The following CDADC1 variants were observed in gnomAD, a reference collection of about 807,000 sequenced individuals.
CDADC1 encodes the protein dCTP deaminase.
CDADC1 carries 39 observed loss-of-function variants against 54.9 expected under a neutral mutation model. The observed-to-expected ratio is 0.71, with a 90% CI of 0.55 to 0.93. The LOEUF is 0.93. Among genes scored for constraint, CDADC1 ranks in the 40% least tolerant of loss-of-function variants. The pLI, the probability that CDADC1 is intolerant of heterozygous loss-of-function variation, is 0.00. For synonymous variants in CDADC1, 186 were observed against 204.0 expected, an observed-to-expected ratio of 0.91 and a Z score of 0.75; for missense variants, 518 against 618.8, an observed-to-expected ratio of 0.84 and a Z score of 1.73.
chr13:49,263,508 T>G (rs968450018), intron 4 of CDADC1, among the ~76,000 whole-genome samples: 1 of 152,252 alleles, frequency 6.6e-6, no homozygotes, highest in African/African-American at 2.4e-5. Flanking sequence ...AAAAGTTTGT[T>G]GATATGGTTT....
At chr13:49,289,805 G>A (rs1720554843) in intron 9 of CDADC1, among the ~76,000 whole-genome samples, 1 of 152,204 alleles carries the variant, frequency 6.6e-6, no homozygotes, top group Non-Finnish European at 1.5e-5. Flanking sequence ...AGCATATTGG[G>A]AGACTGAAGC....
chr13:49,262,539 A>AT lies in CDADC1; in HGVS notation c.430+3025dup, dbSNP rs879802456. The stretch of plus-strand genomic sequence containing the variant: ...GTTTCCGTATCTTTATTTTTATTTT[A>AT]TTTTTTTTTGAGACAGAGTCTCGCT... On this transcript the variant is annotated intron_variant, in intron 4 of 9. Coordinates refer to ENST00000251108, the MANE Select transcript of CDADC1 (RefSeq NM_030911.4). Among the ~76,000 whole-genome samples, 357 of 150,882 alleles carry AT rather than the reference A, an allele frequency of 2.4e-3. 2 individuals carry two copies. The highest frequency in any genetic ancestry group is 7.8e-3 in the African/African-American group (322 of 41,068).
In CDADC1 at chr13:49,280,516, G is replaced by T; in HGVS notation, c.1228G>T (p.Glu410Ter). The T allele has an allele frequency of 7.1e-7, 1 of 1,406,414 alleles. No individual in the cohort carries two copies. The highest frequency in any genetic ancestry group is 9.4e-7 in the Non-Finnish European group (1 of 1,068,242). The allele number at this position is 1,406,414 out of a possible 1,614,324, so 87.1% of individuals were successfully genotyped here. A position where few individuals can be genotyped will look rare whatever the true frequency, so the allele number is the denominator to read the frequency against. Reference protein sequence around the residue: ...EQNALTFRCQEIKPEERSMIF... With the variant: ...EQNALTFRCQ ...TTATAATTTTTTTTGTAGGTGTCAA[G>T]AAATAAAACCAGAAGAAAGAAGCAT... The change falls in exon 8 of 10, where the codon GAA becomes TAA. Residue 410 changes from glutamate (E) to a stop codon, truncating the protein, a stop_gained. Transcript: ENST00000251108. LOFTEE classifies it high-confidence loss of function.
Position 49,291,740 on chromosome 13 carries a change from C to A in CDADC1, c.1528C>A (p.Arg510Ser), listed in dbSNP as rs376714185. 1.2e-6 allele frequency: 2 copies of A among 1,613,970 alleles called. No homozygotes were observed. The highest frequency in any genetic ancestry group is 1.1e-5 in the South Asian group (1 of 91,066). The change falls in exon 10 of 10, where the codon CGC becomes AGC. Residue 510 changes from arginine to serine, a missense_variant. Transcript: ENST00000251108. The part of the protein sequence containing the change: ...KEEQHQDKKL[R>S]LGIH ...AGAGCAGCACCAGGACAAGAAGCTG[C>A]GCCTCGGAATCCACTAAGAAGGCCT...
intron 4 of CDADC1, among the ~76,000 whole-genome samples, chr13:49,263,357 A>G (rs778786296): frequency 3.9e-5 from 6 of 152,214 alleles, no homozygotes; most frequent in Non-Finnish European, 7.3e-5. Flanking sequence ...GGTGATATTA[A>G]TGAACGGGAT....
At chr13:49,256,654 G>C (rs1038801520) in intron 3 of CDADC1, among the ~76,000 whole-genome samples, 2 of 152,222 alleles carry the variant, frequency 1.3e-5, no homozygotes, top group East Asian at 1.9e-4. Context: ...ATATTGTATA[G>C]TATTTCCTTG....
At chr13:49,291,231 G>A (rs1390139262) in intron 9 of CDADC1, among the ~76,000 whole-genome samples, 1 of 149,008 alleles carries the variant, frequency 6.7e-6, no homozygotes, top group Non-Finnish European at 1.5e-5. Context: ...CAGTGGCACA[G>A]TCATGGCTCA....
chr13:49,259,349 A>G lies in CDADC1; in HGVS notation c.256A>G (p.Lys86Glu). 1.2e-6 allele frequency: 2 copies of G among 1,601,994 alleles called. No homozygotes were observed. Among genetic ancestry groups the G allele is most frequent in the African/African-American group, 1.3e-5 (1 of 74,628 alleles). The change falls in exon 4 of 10, where the codon AAG becomes GAG. Residue 86 changes from lysine to glutamate, a missense_variant. Coordinates refer to ENST00000251108, the MANE Select transcript of CDADC1 (RefSeq NM_030911.4). ...GTTATTTTATATCTTAATGTAGGTAAAGAGAACTGGTCTTGTGGTGGTGAA... is the reference window on the plus strand; with the variant it reads ...GTTATTTTATATCTTAATGTAGGTAGAGAGAACTGGTCTTGTGGTGGTGAA... ...TRVSTDKRQV[K>E]RTGLVVVKNM...
intron 4 of CDADC1, chr13:49,265,990 C>T: frequency 7.7e-7 from 1 of 1,292,162 alleles, no homozygotes; most frequent in South Asian, 1.2e-5. Context: ...CCGGAGGAAA[C>T]ACTCTGATAT....
intron 2 of CDADC1, among the ~76,000 whole-genome samples, chr13:49,251,440 T>G (rs2138190865): frequency 6.6e-6 from 1 of 151,924 alleles, no homozygotes; most frequent in Admixed American, 6.5e-5. Context: ...ACTGGACATA[T>G]TAGAGATTGA....
At chr13:49,273,058 G>C (rs941094160) in intron 5 of CDADC1, among the ~76,000 whole-genome samples, 1 of 152,156 alleles carries the variant, frequency 6.6e-6, no homozygotes, top group African/African-American at 2.4e-5. Flanking sequence ...TTATACAAAT[G>C]CTTTGTGGTA....
rs751022779 is a variant in CDADC1, at chr13:49,267,612, C to G, written c.553C>G (p.Arg185Gly). Residue 185 changes from arginine to glycine, a missense_variant, in exon 5 of 10, where the codon CGG (arginine) becomes GGG (glycine). Physicochemically the swap from Arg to Gly is moderately radical, Grantham distance 125. Transcript: ENST00000251108. ...AGTGGAAAGATTGAAGTCAAACAGT[C>G]GGGCCCATGTGTGTGTCTTACTTCA... The part of the protein sequence containing the change: ...KAVERLKSNS[R>G]AHVCVLLQPL... 4 of 1,614,070 alleles carry G rather than the reference C, an allele frequency of 2.5e-6. No homozygotes were observed. The highest frequency in any genetic ancestry group is 1.7e-5 in the Admixed American group (1 of 60,000).
intron 6 of CDADC1, among the ~76,000 whole-genome samples, chr13:49,274,865 T>G (rs1008811051): frequency 6.6e-6 from 1 of 152,106 alleles, no homozygotes; most frequent in Non-Finnish European, 1.5e-5. Flanking sequence ...CATAGTTTAG[T>G]GATGGAGATG....
chr13:49,258,263 G>A (rs1952596739), intron 3 of CDADC1, among the ~76,000 whole-genome samples: 1 of 152,184 alleles, frequency 6.6e-6, no homozygotes, highest in Non-Finnish European at 1.5e-5. Context: ...GATAAGTATA[G>A]GGTTAAATCC....
chr13:49,292,178 A>G lies in CDADC1; in HGVS notation c.*421A>G, dbSNP rs1270784945. On this transcript the variant is annotated 3_prime_UTR_variant, in exon 10 of 10. Coordinates refer to ENST00000251108, the MANE Select transcript of CDADC1 (RefSeq NM_030911.4). ...ACAGTTAGTAAACTGCTCCAGGGAAATAAGTGTCATCTTTTAAGAGTCAGT... is the reference window on the plus strand; with the variant it reads ...ACAGTTAGTAAACTGCTCCAGGGAAGTAAGTGTCATCTTTTAAGAGTCAGT... 1 of 1,001,704 alleles carries G rather than the reference A, an allele frequency of 1.0e-6. No individual in the cohort carries two copies. The highest frequency in any genetic ancestry group is 1.7e-5 in the African/African-American group (1 of 57,470). The allele number at this position is 1,001,704 out of a possible 1,614,324, so 62.1% of individuals were successfully genotyped here.
chr13:49,265,627 A>G (rs974176581), intron 4 of CDADC1, among the ~76,000 whole-genome samples: 1 of 152,090 alleles, frequency 6.6e-6, no homozygotes, highest in African/African-American at 2.4e-5. Context: ...AGCTAATGTT[A>G]TTTATATTAA....
chr13:49,265,647 GATT>G lies in CDADC1; in HGVS notation c.431-1839_431-1837del, dbSNP rs529402595. On this transcript the variant is annotated intron_variant, in intron 4 of 9. Coordinates refer to ENST00000251108, the MANE Select transcript of CDADC1 (RefSeq NM_030911.4). Reference sequence around the variant, plus strand: ...ATGTTATTTATATTAATGTATAACAGATTATTGTTATTTTTAATGAATTAATAA... The same window carrying G: ...ATGTTATTTATATTAATGTATAACAGATTGTTATTTTTAATGAATTAATAA... 6.6e-5 allele frequency among the ~76,000 whole-genome samples: 10 copies of G among 151,916 alleles called. No homozygotes were observed. The South Asian group carries it at 1.9e-3, about 28-fold the overall frequency.
chr13:49,292,655 C>G lies in CDADC1; in HGVS notation c.*898C>G. 1 of 1,200,936 alleles carries G rather than the reference C, an allele frequency of 8.3e-7. No individual in the cohort carries two copies. The highest frequency in any genetic ancestry group is 1.6e-5 in the African/African-American group (1 of 62,896). 74.4% of individuals were successfully genotyped at this position (1,200,936 alleles called of 1,614,324 possible). A position where few individuals can be genotyped will look rare whatever the true frequency, so the allele number is the denominator to read the frequency against. Reference sequence around the variant, plus strand: ...AACCTCAAGAATAAATACTGAAAGTCTTGAAAGTATGGTCATTTCAGCTAT... The same window carrying G: ...AACCTCAAGAATAAATACTGAAAGTGTTGAAAGTATGGTCATTTCAGCTAT... On this transcript the variant is annotated 3_prime_UTR_variant, in exon 10 of 10. Coordinates refer to ENST00000251108, the MANE Select transcript of CDADC1 (RefSeq NM_030911.4).
intron 6 of CDADC1, among the ~76,000 whole-genome samples, chr13:49,275,912 G>C (rs1269803504): frequency 6.6e-6 from 1 of 151,678 alleles, no homozygotes; most frequent in Non-Finnish European, 1.5e-5. Context: ...GGGACTACAG[G>C]TGTGTGCCAC....
Sources: gnomAD v4.1 joint callset for allele counts (sites outside exome capture counted in the v4.1 genomes callset) on GRCh38, gnomAD v4.1.1 for gene constraint, MANE v1.5 for transcripts, NCBI Gene and HGNC (gene_info 2026-07-23, HGNC 2026-07-21) for gene names.